SPATA16: variants seen among roughly 807,000 people sequenced by gnomAD.
SPATA16 encodes the protein spermatogenesis associated 16, also known as spermatogenesis-associated protein 16.
A neutral mutation model predicts 63.3 loss-of-function variants in SPATA16; 36 were observed. The observed-to-expected ratio is 0.57, with a 90% CI of 0.44 to 0.75. The LOEUF is 0.75. Among genes scored for constraint, SPATA16 ranks in the 30% least tolerant of loss-of-function variants. The probability of loss-of-function intolerance (pLI) is 0.00; values close to 1 mark genes in which losing one functional copy is unlikely to be tolerated. For synonymous variants in SPATA16, 203 were observed against 216.7 expected (o/e 0.94, Z 0.56); for missense variants, 646 against 679.3 (o/e 0.95, Z 0.54).
At position 173,070,269 on chromosome 3, in the gene SPATA16, C is replaced by T. The variant is rs113275281; in HGVS notation, c.613-21175G>A. On this transcript the variant is annotated intron_variant, in intron 2 of 10. Coordinates refer to ENST00000351008, the MANE Select transcript of SPATA16 (RefSeq NM_031955.6). Reference sequence around the variant, plus strand: ...AATTAGGCAGGTGTGGTGGCTCACACCTGTAATCCCAGCCACTCAGTAGGC... The same window carrying T: ...AATTAGGCAGGTGTGGTGGCTCACATCTGTAATCCCAGCCACTCAGTAGGC... Among the ~76,000 whole-genome samples, 897 of 152,050 alleles carry T rather than the reference C, an allele frequency of 5.9e-3. 7 individuals are homozygous for T. Among genetic ancestry groups the T allele is most frequent in the Non-Finnish European group, 8.4e-3 (572 of 67,974 alleles).
At chr3:172,945,533 C>A (rs1289926695) in intron 6 of SPATA16, among the ~76,000 whole-genome samples, 1 of 152,190 alleles carries the variant, frequency 6.6e-6, no homozygotes, top group African/African-American at 2.4e-5. Context: ...GCTGATGTCA[C>A]CCCTTCCCCA....
intron 10 of SPATA16, among the ~76,000 whole-genome samples, chr3:172,890,851 TG>T (rs1731880275): frequency 6.6e-6 from 1 of 150,466 alleles, no homozygotes; most frequent in African/African-American, 2.4e-5. Context: ...AAAAGCACAT[TG>T]TTTTTTATGA....
chr3:173,127,515 T>G (rs1738256273), intron 1 of SPATA16, among the ~76,000 whole-genome samples: 1 of 152,240 alleles, frequency 6.6e-6, no homozygotes, highest in African/African-American at 2.4e-5. Context: ...GAATAGTTCT[T>G]TCTTCAGCTT....
intron 8 of SPATA16, among the ~76,000 whole-genome samples, chr3:172,918,805 A>G (rs1732556987): frequency 6.6e-6 from 1 of 152,122 alleles, no homozygotes. Flanking sequence ...AACCTCACAC[A>G]GGTACAATGA....
At chr3:173,074,423 C>T (rs866792287) in intron 2 of SPATA16, among the ~76,000 whole-genome samples, 19 of 151,968 alleles carry the variant, frequency 1.3e-4, no homozygotes, top group African/African-American at 3.9e-4. Flanking sequence ...ATCATGGGGG[C>T]GATTTTCTCC....
chr3:172,977,186 C>T (rs1577115212), intron 4 of SPATA16, 134 bp from the exon 5 acceptor site: 2 of 753,228 alleles, frequency 2.7e-6, no homozygotes, highest in East Asian at 5.6e-5. Flanking sequence ...TAATATTAAG[C>T]AAAACACAAA....
chr3:172,955,534 A>C (rs1733573344), intron 6 of SPATA16, among the ~76,000 whole-genome samples: 1 of 152,234 alleles, frequency 6.6e-6, no homozygotes, highest in East Asian at 1.9e-4. Flanking sequence ...GGCCCGTATT[A>C]TGCTTCTCCT....
chr3:173,132,839 C>T (rs1738422183), intron 1 of SPATA16, among the ~76,000 whole-genome samples: 1 of 151,888 alleles, frequency 6.6e-6, no homozygotes, highest in Non-Finnish European at 1.5e-5. Context: ...TAGACATAAA[C>T]CAAAATCTAT....
intron 8 of SPATA16, among the ~76,000 whole-genome samples, chr3:172,919,854 T>G (rs1184000973): frequency 1.3e-5 from 2 of 151,900 alleles, no homozygotes; most frequent in Non-Finnish European, 2.9e-5. Context: ...TTTTTTTGTG[T>G]GTTTGTGTGT....
intron 4 of SPATA16, among the ~76,000 whole-genome samples, chr3:173,006,711 AT>A (rs1290588142): frequency 1.3e-5 from 2 of 152,206 alleles, no homozygotes; most frequent in Admixed American, 1.3e-4. Flanking sequence ...GTGATTACTT[AT>A]CTACAGCAAT....
intron 2 of SPATA16, among the ~76,000 whole-genome samples, chr3:173,072,878 G>C (rs1736706395): frequency 6.6e-6 from 1 of 152,222 alleles, no homozygotes; most frequent in Non-Finnish European, 1.5e-5. Flanking sequence ...GAAAATGTAA[G>C]AAAATTTGGA....
chr3:173,018,352 A>G (rs1344274317), intron 4 of SPATA16, among the ~76,000 whole-genome samples: 1 of 146,500 alleles, frequency 6.8e-6, no homozygotes, highest in Non-Finnish European at 1.5e-5. Context: ...TCGGCTCACC[A>G]CAACCTCTAC....
rs114950759 is a variant in SPATA16, at chr3:172,951,498, A to T, written c.1081+5179T>A. ...TGCGATTGGCTTATTTGATAATTTA[A>T]AAAAAAAAAAATTTAAACCTAAATA... On this transcript the variant is annotated intron_variant, in intron 6 of 10. Coordinates refer to ENST00000351008, the MANE Select transcript of SPATA16 (RefSeq NM_031955.6). Among the ~76,000 whole-genome samples, 171 of 123,652 alleles carry T rather than the reference A, an allele frequency of 1.4e-3. 1 individual carries two copies. The highest frequency in any genetic ancestry group is 9.1e-3 in the African/African-American group (154 of 16,998). The allele number at this position is 123,652 out of a possible 152,430, so 81.1% of individuals were successfully genotyped here.
chr3:173,065,999 AC>A, intron 2 of SPATA16, among the ~76,000 whole-genome samples: 1 of 152,202 alleles, frequency 6.6e-6, no homozygotes, highest in Middle Eastern at 3.4e-3. Flanking sequence ...CAGCTATGAG[AC>A]ACTGGCCATG....
At chr3:173,120,758 C>A (rs900613571) in intron 1 of SPATA16, among the ~76,000 whole-genome samples, 2 of 152,124 alleles carry the variant, frequency 1.3e-5, no homozygotes, top group African/African-American at 4.8e-5. Context: ...TATTTTCCTC[C>A]CAACTCCTCC....
chr3:172,993,535 C>T (rs1331976159), intron 4 of SPATA16, among the ~76,000 whole-genome samples: 1 of 151,986 alleles, frequency 6.6e-6, no homozygotes, highest in African/African-American at 2.4e-5. Flanking sequence ...ACAGCAAGAG[C>T]CAACAGGATA....
chr3:172,896,091 A>G (rs1246106216), intron 10 of SPATA16, among the ~76,000 whole-genome samples: 1 of 152,014 alleles, frequency 6.6e-6, no homozygotes, highest in Non-Finnish European at 1.5e-5. Flanking sequence ...TTACAAGGTC[A>G]GATGAGCCAG....
chr3:173,121,852 CT>C (rs796952679), intron 1 of SPATA16, among the ~76,000 whole-genome samples: 47 of 152,196 alleles, frequency 3.1e-4, no homozygotes, highest in African/African-American at 1.1e-3. Flanking sequence ...AGTACATTTT[CT>C]TCTTTGATAG....
intron 2 of SPATA16, among the ~76,000 whole-genome samples, chr3:173,104,488 A>C (rs76920335): frequency 0.02 from 3,054 of 152,274 alleles, 105 homozygotes; most frequent in African/African-American, 0.07. Context: ...ACTTCTGGTG[A>C]GGTCTCAGGT....
Sources: gnomAD v4.1 joint callset for allele counts (sites outside exome capture counted in the v4.1 genomes callset) on GRCh38, gnomAD v4.1.1 for gene constraint, MANE v1.5 for transcripts, NCBI Gene and HGNC (gene_info 2026-07-23, HGNC 2026-07-21) for gene names.